The following CNTNAP2 variants were observed in gnomAD, a reference collection of about 807,000 sequenced individuals.
The protein encoded by CNTNAP2 is contactin-associated protein-like 2.
Under a neutral mutation model 155.2 loss-of-function variants are expected in CNTNAP2, and 98 were observed. The observed-to-expected ratio is 0.63, with a 90% confidence interval of 0.54 to 0.75. CNTNAP2 has a LOEUF of 0.75. Among genes scored for constraint, CNTNAP2 ranks in the 30% least tolerant of loss-of-function variants. CNTNAP2 has a pLI of 0.00. For missense variants in CNTNAP2, 1,727 were observed against 1,688.1 expected (o/e 1.02, Z -0.40); for synonymous variants, 651 against 631.2 (o/e 1.03, Z -0.47).
chr7:146,964,269 C>T (rs1026523009), intron 3 of CNTNAP2, among the ~76,000 whole-genome samples: 4 of 152,116 alleles, frequency 2.6e-5, no homozygotes, highest in African/African-American at 9.7e-5. Flanking sequence ...CAAAGTGTTA[C>T]AAAAACATGC....
At chr7:147,251,814 C>T (rs921645632) in intron 8 of CNTNAP2, among the ~76,000 whole-genome samples, 4 of 152,166 alleles carry the variant, frequency 2.6e-5, no homozygotes, top group Admixed American at 2.6e-4. Context: ...TGGCTTATTG[C>T]AGATACTTAT....
intron 1 of CNTNAP2, among the ~76,000 whole-genome samples, chr7:146,237,205 C>G (rs962131442): frequency 3.3e-5 from 5 of 152,036 alleles, no homozygotes; most frequent in African/African-American, 9.7e-5. Context: ...TGACTTTAAC[C>G]CTGGGAACCC....
At chr7:148,040,103 A>G (rs554727113) in intron 15 of CNTNAP2, among the ~76,000 whole-genome samples, 1 of 152,346 alleles carries the variant, frequency 6.6e-6, no homozygotes, top group South Asian at 2.1e-4. Context: ...GTTTTCACCT[A>G]CTTAAAATTC....
In CNTNAP2 at chr7:146,320,595, C is replaced by T. The variant is rs756613772; in HGVS notation, c.97+203622C>T. Among the ~76,000 whole-genome samples, 42 of 151,980 alleles carry T rather than the reference C, an allele frequency of 2.8e-4. 2 individuals are homozygous for T. The highest frequency in any genetic ancestry group is 2.6e-4 in the Admixed American group (4 of 15,246). ...ATGATCAGAACTAATTTTTTTCTTC[C>T]CTTTAAGCATACTGAGGGTTTGGAG... On this transcript the variant is annotated intron_variant, in intron 1 of 23. Transcript: ENST00000361727.
intron 13 of CNTNAP2, among the ~76,000 whole-genome samples, chr7:147,687,396 G>A (rs1039822872): frequency 1.3e-5 from 2 of 152,006 alleles, no homozygotes; most frequent in Non-Finnish European, 2.9e-5. Flanking sequence ...GAAGGCTTTG[G>A]GATATTTTTT....
At chr7:146,230,841 C>T (rs1054517789) in intron 1 of CNTNAP2, among the ~76,000 whole-genome samples, 1 of 151,962 alleles carries the variant, frequency 6.6e-6, no homozygotes, top group African/African-American at 2.4e-5. Context: ...ATGGTGAAAC[C>T]CTGTCTCTAC....
intron 1 of CNTNAP2, among the ~76,000 whole-genome samples, chr7:146,337,102 C>A (rs1801289647): frequency 6.6e-6 from 1 of 152,074 alleles, no homozygotes; most frequent in Admixed American, 6.6e-5. Context: ...TAAATGAATT[C>A]ATGGCAGAAA....
chr7:146,355,761 G>A (rs1217899840), intron 1 of CNTNAP2, among the ~76,000 whole-genome samples: 1 of 152,068 alleles, frequency 6.6e-6, no homozygotes, highest in Non-Finnish European at 1.5e-5. Context: ...TGTTCAAGTA[G>A]TTTTAAATTT....
At chr7:146,278,561 G>A (rs1800200722) in intron 1 of CNTNAP2, among the ~76,000 whole-genome samples, 1 of 152,162 alleles carries the variant, frequency 6.6e-6, no homozygotes, top group African/African-American at 2.4e-5. Flanking sequence ...GTAAGTAAAT[G>A]ATGTGTCTAG....
chr7:146,644,090 A>T (rs1233917504), intron 1 of CNTNAP2, among the ~76,000 whole-genome samples: 1 of 152,216 alleles, frequency 6.6e-6, no homozygotes, highest in Non-Finnish European at 1.5e-5. Context: ...CTAGATATAC[A>T]ATCATGTCGT....
intron 14 of CNTNAP2, among the ~76,000 whole-genome samples, chr7:147,905,015 A>G (rs1204739434): frequency 6.6e-6 from 1 of 152,162 alleles, no homozygotes; most frequent in Non-Finnish European, 1.5e-5. Flanking sequence ...TCAATCATTC[A>G]TTCAGTGAAT....
At chr7:148,140,420 T>A (rs1460068154) in intron 16 of CNTNAP2, among the ~76,000 whole-genome samples, 1 of 147,724 alleles carries the variant, frequency 6.8e-6, no homozygotes, top group Non-Finnish European at 1.5e-5. Flanking sequence ...TTTTTCTTTT[T>A]CTTTTTTTTT....
intron 1 of CNTNAP2, among the ~76,000 whole-genome samples, chr7:146,580,822 A>G (rs1475754423): frequency 6.6e-6 from 1 of 152,112 alleles, no homozygotes; most frequent in Non-Finnish European, 1.5e-5. Context: ...CCCATTACCT[A>G]GGTCAGTCTG....
chr7:147,504,833 T>TAC (rs1202226282), intron 11 of CNTNAP2, among the ~76,000 whole-genome samples: 1 of 113,662 alleles, frequency 8.8e-6, no homozygotes, highest in Non-Finnish European at 2.1e-5. Flanking sequence ...CATATATATA[T>TAC]ATATATGAAT....
At chr7:147,703,831 T>A (rs1418593145) in intron 13 of CNTNAP2, among the ~76,000 whole-genome samples, 4 of 152,180 alleles carry the variant, frequency 2.6e-5, no homozygotes, top group African/African-American at 4.8e-5. Context: ...TTGCACTCTT[T>A]ACCCAACTTC....
chr7:147,859,440 A>C (rs942679566), intron 13 of CNTNAP2, among the ~76,000 whole-genome samples: 1 of 124,966 alleles, frequency 8.0e-6, no homozygotes. Context: ...AAAAAAAAAA[A>C]CATGTCATAT....
chr7:147,033,319 G>T (rs752505175), intron 3 of CNTNAP2, among the ~76,000 whole-genome samples: 6 of 150,662 alleles, frequency 4.0e-5, no homozygotes, highest in Non-Finnish European at 7.4e-5. Context: ...GATTGGGGTG[G>T]GGGGTTAATT....
chr7:146,285,691 TTCCCCTCCCCTCCCCTCCCC>T (rs1221165250), intron 1 of CNTNAP2, among the ~76,000 whole-genome samples: 1 of 35,646 alleles, frequency 2.8e-5, no homozygotes, highest in Non-Finnish European at 4.4e-5. Flanking sequence ...CTCATCTCCC[TTCCCCTCCCCTCCCCTCCCC>T]TCCCCTCCCC....
chr7:147,371,032 T>C (rs1207794634), intron 9 of CNTNAP2, among the ~76,000 whole-genome samples: 1 of 152,112 alleles, frequency 6.6e-6, no homozygotes, highest in African/African-American at 2.4e-5. Context: ...TATAACTGAC[T>C]GTCAATGAAT....
Sources: gnomAD v4.1 joint callset for allele counts (sites outside exome capture counted in the v4.1 genomes callset) on GRCh38, gnomAD v4.1.1 for gene constraint, MANE v1.5 for transcripts, NCBI Gene and HGNC (gene_info 2026-07-23, HGNC 2026-07-21) for gene names.